SCUBE1: variants seen among roughly 807,000 people sequenced by gnomAD.
SCUBE1 encodes signal peptide, CUB and EGF-like domain-containing protein 1.
SCUBE1 carries 59 observed loss-of-function variants against 124.4 expected under a neutral mutation model. That is an observed-to-expected ratio of 0.47 (90% CI 0.38 to 0.59). The LOEUF (loss-of-function observed/expected upper bound fraction) is 0.59. Ranked by LOEUF, SCUBE1 falls within the 20% of genes least tolerant of loss-of-function variation. The probability of loss-of-function intolerance (pLI) is 0.00; values close to 1 mark genes in which losing one functional copy is unlikely to be tolerated. For synonymous variants in SCUBE1, 545 were observed against 550.9 expected (o/e 0.99, Z 0.15); for missense variants, 1,150 against 1,371.2 (o/e 0.84, Z 2.55).
intron 2 of SCUBE1, among the ~76,000 whole-genome samples, chr22:43,326,260 C>T (rs985230181): frequency 3.3e-5 from 5 of 152,150 alleles, no homozygotes; most frequent in African/African-American, 4.8e-5. Context: ...AGACCCCTTT[C>T]CTGGCTGGGC....
intron 3 of SCUBE1, among the ~76,000 whole-genome samples, chr22:43,306,361 G>A (rs961469548): frequency 1.3e-5 from 2 of 152,268 alleles, no homozygotes; most frequent in East Asian, 1.9e-4. Context: ...ACTGCAAACA[G>A]GAACAGAGGA....
chr22:43,207,731 G>A (rs1211738515), intron 20 of SCUBE1, 118 bp from the exon 21 acceptor site: 1 of 787,300 alleles, frequency 1.3e-6, no homozygotes, highest in Admixed American at 2.0e-5. Context: ...CTGGGCTATG[G>A]CTGGCCGCAG....
At position 43,306,982 on chromosome 22, in the gene SCUBE1, C is replaced by T. The variant is rs185316825; in HGVS notation, c.349+12955G>A. Among the ~76,000 whole-genome samples the T allele has an allele frequency of 1.1e-4, 17 of 152,326 alleles. No homozygotes were observed. The East Asian group carries it at 1.5e-3, about 14-fold the overall frequency. On this transcript the variant is annotated intron_variant, in intron 3 of 21. Coordinates refer to ENST00000360835, the MANE Select transcript of SCUBE1 (RefSeq NM_173050.5). ...CACGGCAGGTCTGTGCACCTGCCAC[C>T]GTCAAGTCGTTTGCCTCCTGAGGGT...
intron 2 of SCUBE1, among the ~76,000 whole-genome samples, chr22:43,336,915 G>A (rs891256155): frequency 6.6e-6 from 1 of 152,064 alleles, no homozygotes; most frequent in Admixed American, 6.6e-5. Context: ...CAAACATAGA[G>A]CAACCAAGTG....
chr22:43,276,853 G>T (rs1031987681), intron 4 of SCUBE1, among the ~76,000 whole-genome samples: 2 of 152,184 alleles, frequency 1.3e-5, no homozygotes, highest in Non-Finnish European at 2.9e-5. Context: ...TAGAACAGGC[G>T]TGCAGGCCAG....
intron 11 of SCUBE1, 56 bp from the exon 12 acceptor site, chr22:43,222,798 C>T: frequency 7.3e-7 from 1 of 1,368,312 alleles, no homozygotes; most frequent in Non-Finnish European, 1.0e-6. Context: ...CCACGGCCCT[C>T]AGATTCTTGG....
chr22:43,297,216 GC>G (rs1166220216), intron 3 of SCUBE1, among the ~76,000 whole-genome samples: 1 of 152,242 alleles, frequency 6.6e-6, no homozygotes, highest in Admixed American at 6.5e-5. Flanking sequence ...CCATGAGACA[GC>G]CCTGGCTTGG....
intron 12 of SCUBE1, 124 bp from the exon 13 acceptor site, chr22:43,221,413 G>C: frequency 1.5e-6 from 1 of 664,506 alleles, no homozygotes; most frequent in Non-Finnish European, 2.7e-6. Flanking sequence ...CTGAGTCCCT[G>C]TGCCCCGACA....
Position 43,218,473 on chromosome 22 carries a change from G to A in SCUBE1, c.1688-15C>T, listed in dbSNP as rs1173080554. 4 of 1,606,570 alleles carry A rather than the reference G, an allele frequency of 2.5e-6. No individual in the cohort carries two copies. In the South Asian group the frequency reaches 3.3e-5, roughly 13 times the overall value. On this transcript the variant is annotated splice_polypyrimidine_tract_variant and intron_variant, in intron 14 of 21. Coordinates refer to ENST00000360835, the MANE Select transcript of SCUBE1 (RefSeq NM_173050.5). The stretch of plus-strand genomic sequence containing the variant: ...TTCGCATGTGTCTGCAGGGGCAGGA[G>A]AGACAGAACATGAATCGCTGGCAAC...
intron 3 of SCUBE1, among the ~76,000 whole-genome samples, chr22:43,307,317 C>T (rs931222020): frequency 1.4e-4 from 21 of 152,188 alleles, no homozygotes; most frequent in Admixed American, 1.0e-3. Context: ...CCAAACTAAG[C>T]GTTCATCAGG....
chr22:43,206,449 C>T (rs1275428959), intron 21 of SCUBE1, among the ~76,000 whole-genome samples: 2 of 152,168 alleles, frequency 1.3e-5, no homozygotes, highest in Non-Finnish European at 2.9e-5. Flanking sequence ...ATGCTCCTGC[C>T]CTCCTCTGTG....
At chr22:43,205,304 C>A (rs13057062) in intron 21 of SCUBE1, among the ~76,000 whole-genome samples, 2 of 152,060 alleles carry the variant, frequency 1.3e-5, no homozygotes, top group Non-Finnish European at 2.9e-5. Flanking sequence ...AGGGCAGATG[C>A]AGTCCCCGCC....
chr22:43,243,497 G>A (rs1306445502), intron 6 of SCUBE1, among the ~76,000 whole-genome samples: 1 of 152,264 alleles, frequency 6.6e-6, no homozygotes, highest in Admixed American at 6.5e-5. Flanking sequence ...CAGCCTGCCA[G>A]CGCTCTGACA....
chr22:43,211,080 T>A lies in SCUBE1; in HGVS notation c.2225A>T (p.His742Leu). ...GTTGTAGTGGTGGCCGGGGGAGCAGTGCACTGCCGGGGGACACAAGGCAGT... is the reference window on the plus strand; with the variant it reads ...GTTGTAGTGGTGGCCGGGGGAGCAGAGCACTGCCGGGGGACACAAGGCAGT... ...TSFQDCEAKV[H>L]CSPGHHYNTT... The change falls in exon 18 of 22, where the codon CAC becomes CTC. Residue 742 changes from histidine (H) to leucine (L), a missense_variant. His to Leu is a moderately conservative substitution (Grantham distance 99). Around this residue, in one of 3 missense-constraint regions of SCUBE1, gnomAD observed 757 missense variants for 840.9 expected, o/e 0.90. Transcript: ENST00000360835. The surrounding 1 kb of genome is among the most constrained non-coding windows in gnomAD (Gnocchi z 4.5). The A allele has an allele frequency of 6.2e-7, 1 of 1,609,096 alleles. No individual in the cohort carries two copies. The highest frequency in any genetic ancestry group is 1.1e-5 in the South Asian group (1 of 90,500).
chr22:43,286,007 C>CT (rs1460889910), intron 4 of SCUBE1, among the ~76,000 whole-genome samples: 1 of 152,232 alleles, frequency 6.6e-6, no homozygotes, highest in African/African-American at 2.4e-5. Context: ...GAACAGGCTC[C>CT]TGTGCAGCAC....
intron 7 of SCUBE1, among the ~76,000 whole-genome samples, chr22:43,233,083 G>C (rs139017): frequency 0.34 from 52,031 of 152,180 alleles, 9,124 homozygotes; most frequent in East Asian, 0.46. Flanking sequence ...AATCAGTGCT[G>C]GCCGGGCACG....
intron 5 of SCUBE1, among the ~76,000 whole-genome samples, chr22:43,262,329 A>G (rs57855099): frequency 0.011 from 1,720 of 152,268 alleles, 36 homozygotes; most frequent in East Asian, 0.051. Context: ...CCGGAATGGG[A>G]CCACTTCAGA....
intron 15 of SCUBE1, among the ~76,000 whole-genome samples, chr22:43,215,475 T>C (rs761313527): frequency 2.6e-5 from 4 of 152,184 alleles, no homozygotes; most frequent in Non-Finnish European, 5.9e-5. Flanking sequence ...AGAAGTTTGA[T>C]GAGGAGGAGA....
intron 8 of SCUBE1, among the ~76,000 whole-genome samples, chr22:43,231,346 C>T (rs957976487): frequency 5.3e-5 from 8 of 152,250 alleles, no homozygotes; most frequent in Non-Finnish European, 1.2e-4. Context: ...CAGACCCCTC[C>T]TCATTATCCT....
Sources: allele counts gnomAD v4.1 joint callset (sites outside exome capture counted in the v4.1 genomes callset), GRCh38; gene constraint gnomAD v4.1.1; regional missense constraint gnomAD v4.1.1; non-coding constraint Gnocchi (gnomAD v3.1); transcripts MANE v1.5; gene names NCBI Gene and HGNC (gene_info 2026-07-23, HGNC 2026-07-21).